The following PSG4 variants were observed in gnomAD, a reference collection of about 807,000 sequenced individuals.
PSG4 encodes pregnancy-specific beta-1-glycoprotein 4.
A neutral mutation model predicts 44.3 loss-of-function variants in PSG4; 61 were observed. That is an observed-to-expected ratio of 1.38 (90% CI 1.12 to 1.70). PSG4 has a LOEUF of 1.70. Among genes scored for constraint, PSG4 ranks in the 40% most tolerant of loss-of-function variants. The pLI is 0.00. For synonymous variants in PSG4, 248 were observed against 191.3 expected (o/e 1.30, Z -2.45); for missense variants, 677 against 511.7 (o/e 1.32, Z -3.12).
chr19:43,196,644 C>T (rs1967259509), intron 3 of PSG4: 1 of 151,032 alleles, frequency 6.6e-6, no homozygotes, highest in Non-Finnish European at 1.5e-5. Flanking sequence ...TTTCTCTCAC[C>T]ACGTTTCTAG....
Position 43,194,002 on chromosome 19 carries a change from G to C in PSG4, c.1243+338C>G, listed in dbSNP as rs1330012669. Reference sequence around the variant, plus strand: ...GCTACAAGCTATAGATAGATTAAAAGAAAAAAATTCCATAAATCTAGAAAA... The same window carrying C: ...GCTACAAGCTATAGATAGATTAAAACAAAAAAATTCCATAAATCTAGAAAA... On this transcript the variant is annotated intron_variant, in intron 5 of 5. Coordinates refer to ENST00000405312, the MANE Select transcript of PSG4 (RefSeq NM_002780.5). 3.2e-6 allele frequency: 3 copies of C among 924,982 alleles called. No individual in the cohort carries two copies. The African/African-American group carries it at 5.1e-5, about 16-fold the overall frequency. The allele number at this position is 924,982 out of a possible 1,614,324, so 57.3% of individuals were successfully genotyped here.
rs764872379 is a variant in PSG4 at position 43,194,521 on chromosome 19, G to C, written c.1062C>G (p.Cys354Trp). ...YRSGENLYLS[C>W]FAESNPRAQY... The stretch of plus-strand genomic sequence containing the variant: ...GTGCCCGTGGGTTAGACTCGGCGAA[G>C]CAGGACAAGTAGAGGTTTTCTCCTG... Residue 354 changes from cysteine to tryptophan, a missense_variant, in exon 5 of 6, where the codon TGC becomes TGG. Cys to Trp is a radical substitution (Grantham distance 215, BLOSUM62 -2). Coordinates refer to ENST00000405312, the MANE Select transcript of PSG4 (RefSeq NM_002780.5). 1 of 1,612,568 alleles carries C rather than the reference G, an allele frequency of 6.2e-7. No individual in the cohort carries two copies. Among genetic ancestry groups the C allele is most frequent in the East Asian group, 2.2e-5 (1 of 44,878 alleles).
Position 43,204,071 on chromosome 19 carries a change from T to C in PSG4, c.245A>G (p.Tyr82Cys). 1.3e-6 allele frequency: 2 copies of C among 1,586,332 alleles called. No homozygotes were observed. The highest frequency in any genetic ancestry group is 1.7e-6 in the Non-Finnish European group (2 of 1,170,602). ...TATAATTCTTTGACCGTCTACTACA[T>C]ATGATGTAATGTAATGGTAGAGGTA... is the stretch of plus-strand genomic sequence containing the variant. ...MTYLYHYITS[Y>C]VVDGQRIIYG... is the part of the protein sequence containing the mutation. Residue 82 changes from tyrosine (Y) to cysteine (C), a missense_variant, in exon 2 of 6, where the codon TAT (tyrosine) becomes TGT (cysteine). Transcript: ENST00000405312.
chr19:43,200,619 A>G (rs1217698349), intron 2 of PSG4, among the ~76,000 whole-genome samples: 2 of 144,632 alleles, frequency 1.4e-5, no homozygotes, highest in Admixed American at 1.4e-4. Context: ...TCTGTTGCCC[A>G]GGCTGGAGTG....
At chr19:43,196,414 A>G (rs1967248432) in intron 3 of PSG4, 1 of 151,584 alleles carries the variant, frequency 6.6e-6, no homozygotes, top group Non-Finnish European at 1.5e-5. Flanking sequence ...GATGCCTATA[A>G]TTCACACAGA....
chr19:43,198,306 G>A lies in PSG4; in HGVS notation c.431-31C>T, dbSNP rs1292191009. On this transcript the variant is annotated intron_variant, in intron 2 of 5. Coordinates refer to ENST00000405312, the MANE Select transcript of PSG4 (RefSeq NM_002780.5). ...CAGAAAACAGAGAGAGGTTTGCCCT[G>A]TGTGGCATCTTTGATTCTTCCAAAG... The A allele has an allele frequency of 5.1e-6, 8 of 1,563,590 alleles. 1 individual carries two copies. The highest frequency in any genetic ancestry group is 1.8e-5 in the Admixed American group (1 of 54,510).
Position 43,200,185 on chromosome 19 carries a change from C to T in PSG4, c.431-1910G>A, listed in dbSNP as rs1301111676. Among the ~76,000 whole-genome samples the T allele has an allele frequency of 2.1e-5, 3 of 144,838 alleles. 1 individual carries two copies. Among genetic ancestry groups the T allele is most frequent in the Non-Finnish European group, 4.5e-5 (3 of 67,034 alleles). ...AATAGGAAGAGTCTAAGTGAGATGC[C>T]AATGGCTCGTGTGTCTGCCCACGTG... On this transcript the variant is annotated intron_variant, in intron 2 of 5. Coordinates refer to ENST00000405312, the MANE Select transcript of PSG4 (RefSeq NM_002780.5).
Position 43,197,783 on chromosome 19 carries a change from C to A in PSG4, c.709+214G>T, listed in dbSNP as rs1375735974. Reference sequence around the variant, plus strand: ...TTTCTCCCATCACAAGCTGTGGAACCTGAGTCTCCCATGACAGGAGCAGCC... The same window carrying A: ...TTTCTCCCATCACAAGCTGTGGAACATGAGTCTCCCATGACAGGAGCAGCC... On this transcript the variant is annotated intron_variant, in intron 3 of 5. Transcript: ENST00000405312. 35 of 1,010,426 alleles carry A rather than the reference C, an allele frequency of 3.5e-5. 3 individuals are homozygous for A. The highest frequency in any genetic ancestry group is 5.6e-5 in the African/African-American group (3 of 53,836). 62.6% of individuals were successfully genotyped at this position (1,010,426 alleles called of 1,614,324 possible).
At chr19:43,193,805 T>C (rs1967108658) in intron 5 of PSG4, 4 of 545,882 alleles carry the variant, frequency 7.3e-6, no homozygotes, top group Admixed American at 3.7e-5. Context: ...AACCAATGAT[T>C]TGAAATGTGT....
chr19:43,194,434 T>G lies in PSG4; in HGVS notation c.1149A>C (p.Gln383His), dbSNP rs114844821. Residue 383 changes from glutamine to histidine, a missense_variant, in exon 5 of 6, where the codon CAA becomes CAC. Physicochemically the swap from Gln to His is conservative, Grantham distance 24. Coordinates refer to ENST00000405312, the MANE Select transcript of PSG4 (RefSeq NM_002780.5). ...QLSGQKLSIPQITTKHSGLYA... is the reference protein window; with the variant it reads ...QLSGQKLSIPHITTKHSGLYA... ...AGAGCCCACTATGCTTTGTAGTTAT[T>G]TGGGGGATAGAGAGCTTTTGTCCTG... The G allele has an allele frequency of 1.9e-6, 3 of 1,612,284 alleles. No homozygotes were observed. Among genetic ancestry groups the G allele is most frequent in the Non-Finnish European group, 2.5e-6 (3 of 1,179,072 alleles).
chr19:43,203,821 C>A (rs1967627560), intron 2 of PSG4, 65 bp downstream of exon 2: 1 of 1,559,258 alleles, frequency 6.4e-7, no homozygotes. Flanking sequence ...CCTGAGAATC[C>A]TGTGTGTGTG....
intron 1 of PSG4, chr19:43,204,974 A>T (rs2122386660): frequency 4.0e-6 from 1 of 252,130 alleles, no homozygotes. Context: ...AAAACAGAAC[A>T]CTTAAGATTT....
intron 2 of PSG4, among the ~76,000 whole-genome samples, chr19:43,199,748 TG>T (rs1462979960): frequency 6.9e-6 from 1 of 145,778 alleles, no homozygotes; most frequent in Non-Finnish European, 1.5e-5. Flanking sequence ...AACATTAAAA[TG>T]TTTTCATAAG....
At chr19:43,197,885 T>A in intron 3 of PSG4, 112 bp downstream of exon 3, 1 of 1,574,018 alleles carries the variant, frequency 6.4e-7, no homozygotes, top group Non-Finnish European at 8.6e-7. Context: ...AGCTTTGATG[T>A]CTAGGGGTAA....
rs1211987869 is a variant in PSG4 at position 43,197,877 on chromosome 19, C to G, written c.709+120G>C. 17 of 1,568,838 alleles carry G rather than the reference C, an allele frequency of 1.1e-5. 1 individual carries two copies. Among genetic ancestry groups the G allele is most frequent in the Admixed American group, 1.1e-4 (6 of 56,682 alleles). ...GCCTGGGGCAGAAAGTCATGGCCAGCTTTGATGTCTAGGGGTAAAGGTCTC... is the reference window on the plus strand; with the variant it reads ...GCCTGGGGCAGAAAGTCATGGCCAGGTTTGATGTCTAGGGGTAAAGGTCTC... On this transcript the variant is annotated intron_variant, in intron 3 of 5. Coordinates refer to ENST00000405312, the MANE Select transcript of PSG4 (RefSeq NM_002780.5).
intron 5 of PSG4, 163 bp downstream of exon 5, chr19:43,194,177 T>G: frequency 1.3e-6 from 2 of 1,528,520 alleles, no homozygotes; most frequent in Non-Finnish European, 1.8e-6. Flanking sequence ...GTTAAAGTTT[T>G]GGAAGTTCTT....
chr19:43,203,843 ACCCCTGT>A (rs1311926571), intron 2 of PSG4, 36 bp downstream of exon 2: 1 of 1,566,558 alleles, frequency 6.4e-7, no homozygotes, highest in South Asian at 1.2e-5. Context: ...AGTAGAAGTG[ACCCCTGT>A]CCCCCAACAC....
chr19:43,193,911 G>A lies in PSG4; in HGVS notation c.1243+429C>T, dbSNP rs1967113651. ...TCATGAATAGTTGCCCAATTCTGGG[G>A]CAGTCAGGTAGAGAGCAAAAGTAAA... On this transcript the variant is annotated intron_variant, in intron 5 of 5. Coordinates refer to ENST00000405312, the MANE Select transcript of PSG4 (RefSeq NM_002780.5). 5.6e-6 allele frequency: 4 copies of A among 712,126 alleles called. No individual in the cohort carries two copies. In the South Asian group the frequency reaches 6.2e-5, roughly 11 times the overall value. 44.1% of individuals were successfully genotyped at this position (712,126 alleles called of 1,614,324 possible).
In PSG4 at chr19:43,198,841, C is replaced by T. The variant is rs920881811; in HGVS notation, c.431-566G>A. On this transcript the variant is annotated intron_variant, in intron 2 of 5. Coordinates refer to ENST00000405312, the MANE Select transcript of PSG4 (RefSeq NM_002780.5). ...CCTGGAGGTCAGTTCAGTCATCAGG[C>T]AGTGGAGCCACAAGGTGGCGCAGTT... is the stretch of plus-strand genomic sequence containing the variant. The T allele has an allele frequency of 6.7e-5, 10 of 149,536 alleles. 1 individual carries two copies. Among genetic ancestry groups the T allele is most frequent in the African/African-American group, 2.6e-4 (10 of 38,036 alleles). 9.3% of individuals were successfully genotyped at this position (149,536 alleles called of 1,614,324 possible).
Sources: gnomAD v4.1 joint callset for allele counts (sites outside exome capture counted in the v4.1 genomes callset) on GRCh38, gnomAD v4.1.1 for gene constraint, MANE v1.5 for transcripts, NCBI Gene and HGNC (gene_info 2026-07-23, HGNC 2026-07-21) for gene names.